The following TAFA1 variants were observed in gnomAD, a reference collection of about 807,000 sequenced individuals.
TAFA1 encodes chemokine-like protein TAFA-1.
A neutral mutation model predicts 18.5 loss-of-function variants in TAFA1; 4 were observed. The ratio of observed to expected loss-of-function variants is 0.22; its 90% CI spans 0.11 to 0.49. The LOEUF is 0.49. Among genes scored for constraint, TAFA1 ranks in the 20% least tolerant of loss-of-function variants. TAFA1 has a pLI of 0.98. For missense variants in TAFA1, 147 were observed against 169.0 expected, an observed-to-expected ratio of 0.87 and a Z score of 0.72; for synonymous variants, 56 against 55.2, an observed-to-expected ratio of 1.01 and a Z score of -0.06.
rs150494523 is a variant in TAFA1, at chr3:68,306,066, G to A, written c.119-111214G>A. Among the ~76,000 whole-genome samples the A allele has an allele frequency of 1.6e-4, 25 of 152,262 alleles. No homozygotes were observed. In the East Asian group the frequency reaches 2.9e-3, roughly 18 times the overall value. On this transcript the variant is annotated intron_variant, in intron 2 of 4. Coordinates refer to ENST00000478136, the MANE Select transcript of TAFA1 (RefSeq NM_213609.4). ...AGAGGAGGAAAAAAAATACAAAACC[G>A]TGACTTCATGCAAGGGCTAGATATT... is the stretch of plus-strand genomic sequence containing the variant.
chr3:68,181,470 T>G (rs2066198943), intron 2 of TAFA1, among the ~76,000 whole-genome samples: 1 of 152,012 alleles, frequency 6.6e-6, no homozygotes, highest in Admixed American at 6.6e-5. Flanking sequence ...TAATAACTGA[T>G]GTTGGAGGTA....
At chr3:68,250,052 G>A (rs535217178) in intron 2 of TAFA1, among the ~76,000 whole-genome samples, 4 of 152,268 alleles carry the variant, frequency 2.6e-5, no homozygotes, top group Admixed American at 2.6e-4. Flanking sequence ...TTAATGTTAA[G>A]TCATACGATA....
chr3:68,269,850 T>C (rs2067628565), intron 2 of TAFA1, among the ~76,000 whole-genome samples: 1 of 152,202 alleles, frequency 6.6e-6, no homozygotes. Context: ...GATTCTTTTT[T>C]TAATATTTAA....
chr3:68,441,511 A>G (rs930958275), intron 3 of TAFA1, among the ~76,000 whole-genome samples: 3 of 152,140 alleles, frequency 2.0e-5, no homozygotes, highest in African/African-American at 7.2e-5. Flanking sequence ...TCATCAACTC[A>G]TCATGCAACC....
intron 2 of TAFA1, among the ~76,000 whole-genome samples, chr3:68,097,580 C>T (rs2106809920): frequency 6.6e-6 from 1 of 152,212 alleles, no homozygotes; most frequent in South Asian, 2.1e-4. Context: ...TGATCTTATT[C>T]ATTCAATAAG....
At chr3:68,020,186 C>T (rs1180727270) in intron 2 of TAFA1, among the ~76,000 whole-genome samples, 1 of 152,194 alleles carries the variant, frequency 6.6e-6, no homozygotes, top group Admixed American at 6.5e-5. Context: ...CACGTAGCAT[C>T]TACTTACATC....
rs117973925 is a variant in TAFA1, at chr3:68,385,120, G to A, written c.119-32160G>A. ...AAGATGGTTGCCCTTTCTTAACCTC[G>A]CACTCCTCATCTGTTAACTGGAGGT... On this transcript the variant is annotated intron_variant, in intron 2 of 4. Transcript: ENST00000478136. 4.2e-4 allele frequency among the ~76,000 whole-genome samples: 64 copies of A among 151,938 alleles called. No individual in the cohort carries two copies. The East Asian group carries it at 0.012, about 28-fold the overall frequency.
rs150619824 is a variant in TAFA1, at chr3:68,329,880, C to T, written c.119-87400C>T. Among the ~76,000 whole-genome samples, 103 of 152,232 alleles carry T rather than the reference C, an allele frequency of 6.8e-4. 3 individuals carry two copies. Among genetic ancestry groups the T allele is most frequent in the Admixed American group, 5.1e-3 (78 of 15,288 alleles). ...TTAGAATTATATAAAAATTAATTCA[C>T]CTGGTTCTGGGTTAAATTTTGCATT... On this transcript the variant is annotated intron_variant, in intron 2 of 4. Coordinates refer to ENST00000478136, the MANE Select transcript of TAFA1 (RefSeq NM_213609.4).
rs143058337 is a variant in TAFA1, at chr3:68,057,448, G to A, written c.118+50704G>A. On this transcript the variant is annotated intron_variant, in intron 2 of 4. Transcript: ENST00000478136. ...CAATTCCAATGCTTCATTTAAATAT[G>A]GAACTTCATCTCAGGAAATGTGCTA... Among the ~76,000 whole-genome samples the A allele has an allele frequency of 1.7e-3, 266 of 152,218 alleles. 4 individuals carry two copies. Among genetic ancestry groups the A allele is most frequent in the African/African-American group, 6.2e-3 (256 of 41,524 alleles).
At chr3:68,076,245 A>C (rs1324088306) in intron 2 of TAFA1, among the ~76,000 whole-genome samples, 2 of 151,850 alleles carry the variant, frequency 1.3e-5, no homozygotes, top group Admixed American at 6.6e-5. Context: ...CACAGAAGTC[A>C]ACAAGCCATA....
At chr3:68,434,618 A>T (rs2071237665) in intron 3 of TAFA1, among the ~76,000 whole-genome samples, 1 of 152,086 alleles carries the variant, frequency 6.6e-6, no homozygotes, top group African/African-American at 2.4e-5. Flanking sequence ...GAAGGCACAA[A>T]ACATGTATCA....
chr3:68,224,804 T>G (rs1261759056), intron 2 of TAFA1, among the ~76,000 whole-genome samples: 2 of 151,810 alleles, frequency 1.3e-5, no homozygotes, highest in Non-Finnish European at 2.9e-5. Flanking sequence ...ATTCTAGACT[T>G]TTAGTTGGGG....
At chr3:68,287,030 T>A (rs1404675367) in intron 2 of TAFA1, among the ~76,000 whole-genome samples, 1 of 152,120 alleles carries the variant, frequency 6.6e-6, no homozygotes, top group Non-Finnish European at 1.5e-5. Flanking sequence ...CAAAGAAAAA[T>A]GCCAGAGAAC....
chr3:68,372,004 T>C (rs1029575345), intron 2 of TAFA1, among the ~76,000 whole-genome samples: 5 of 152,178 alleles, frequency 3.3e-5, no homozygotes, highest in Non-Finnish European at 7.3e-5. Context: ...CTTCTGAACA[T>C]CTCGATGTAG....
intron 2 of TAFA1, among the ~76,000 whole-genome samples, chr3:68,375,376 G>C (rs554629362): frequency 6.6e-5 from 10 of 152,250 alleles, no homozygotes; most frequent in African/African-American, 1.9e-4. Flanking sequence ...ATCATTAAGT[G>C]CTGGCTTATC....
At chr3:68,169,943 C>T (rs1423482438) in intron 2 of TAFA1, among the ~76,000 whole-genome samples, 1 of 152,030 alleles carries the variant, frequency 6.6e-6, no homozygotes, top group African/African-American at 2.4e-5. Context: ...TTCAAGAAAC[C>T]CTTGCAGAAT....
intron 2 of TAFA1, among the ~76,000 whole-genome samples, chr3:68,142,305 C>T (rs1156501321): frequency 6.6e-5 from 10 of 152,210 alleles, no homozygotes; most frequent in Admixed American, 6.5e-4. Flanking sequence ...CAAGATCACA[C>T]AGTTAGTAGC....
intron 2 of TAFA1, among the ~76,000 whole-genome samples, chr3:68,155,955 GC>G (rs2065862314): frequency 6.6e-6 from 1 of 152,092 alleles, no homozygotes; most frequent in South Asian, 2.1e-4. Flanking sequence ...GAACACAACA[GC>G]GGTTGCAGGC....
At chr3:68,210,100 G>A (rs575115096) in intron 2 of TAFA1, among the ~76,000 whole-genome samples, 4 of 149,040 alleles carry the variant, frequency 2.7e-5, no homozygotes, top group South Asian at 2.1e-4. Flanking sequence ...ACTGTCTCTC[G>A]TTACCACTAA....
Sources: allele counts gnomAD v4.1 joint callset (sites outside exome capture counted in the v4.1 genomes callset), GRCh38; gene constraint gnomAD v4.1.1; transcripts MANE v1.5; gene names NCBI Gene and HGNC (gene_info 2026-07-23, HGNC 2026-07-21).